The following DLG1 variants were observed in gnomAD, a reference collection of about 807,000 sequenced individuals.
The protein encoded by DLG1 is discs large MAGUK scaffold protein 1, also known as disks large homolog 1.
DLG1 carries 42 observed loss-of-function variants against 123.4 expected under a neutral mutation model. The observed-to-expected ratio is 0.34, with a 90% CI of 0.27 to 0.44. The LOEUF (loss-of-function observed/expected upper bound fraction) is 0.44, where lower values mean the gene tolerates loss of function less well. Among genes scored for constraint, DLG1 ranks in the 20% least tolerant of loss-of-function variants. The probability of loss-of-function intolerance (pLI) is 1.00; values close to 1 mark genes in which losing one functional copy is unlikely to be tolerated. For missense variants in DLG1, 942 were observed against 1,082.6 expected (o/e 0.87, Z 1.82); for synonymous variants, 317 against 356.2 (o/e 0.89, Z 1.24).
chr3:197,140,106 G>C, intron 8 of DLG1, 34 bp downstream of exon 8: 1 of 1,598,080 alleles, frequency 6.3e-7, no homozygotes, highest in Non-Finnish European at 8.5e-7. Context: ...ACACAAAGTG[G>C]ATTCAGCATC....
At chr3:197,245,727 G>A (rs369972324) in intron 4 of DLG1, among the ~76,000 whole-genome samples, 6 of 152,036 alleles carry the variant, frequency 3.9e-5, no homozygotes, top group Non-Finnish European at 5.9e-5. Flanking sequence ...CCTTTTCAGC[G>A]GGAGTGAAGA....
At chr3:197,059,822 G>T in intron 23 of DLG1, 67 bp downstream of exon 23, 1 of 998,074 alleles carries the variant, frequency 1.0e-6, no homozygotes, top group Non-Finnish European at 1.5e-6. Flanking sequence ...TGCAGGGAGA[G>T]TAAATAAATT....
In DLG1 at chr3:197,151,123, A is replaced by G. The variant is rs146719340; in HGVS notation, c.484-1327T>C. The stretch of plus-strand genomic sequence containing the variant: ...TTCAAATTACTTATTTCCCAATGGT[A>G]TATTGAGATTACTCAAACTGGTATT... On this transcript the variant is annotated intron_variant, in intron 5 of 24. Transcript: ENST00000667157. Among the ~76,000 whole-genome samples, 1,287 of 152,292 alleles carry G rather than the reference A, an allele frequency of 8.5e-3. 18 individuals are homozygous for G. The highest frequency in any genetic ancestry group is 0.029 in the African/African-American group (1,219 of 41,566).
intron 18 of DLG1, among the ~76,000 whole-genome samples, chr3:197,071,293 A>C (rs1211825210): frequency 1.3e-5 from 2 of 152,204 alleles, no homozygotes; most frequent in East Asian, 3.8e-4. Context: ...ACAATTATGA[A>C]AGCTGGATAA....
At chr3:197,191,662 C>G (rs1353408564) in intron 5 of DLG1, among the ~76,000 whole-genome samples, 2 of 152,122 alleles carry the variant, frequency 1.3e-5, no homozygotes, top group African/African-American at 4.8e-5. Flanking sequence ...AAGATAAAAG[C>G]AGGCTGACAA....
At chr3:197,294,530 C>T (rs1410293995) in intron 3 of DLG1, among the ~76,000 whole-genome samples, 2 of 151,868 alleles carry the variant, frequency 1.3e-5, no homozygotes, top group African/African-American at 4.8e-5. Context: ...TGGTGGTGGG[C>T]ACCTTTGGTC....
intron 4 of DLG1, among the ~76,000 whole-genome samples, chr3:197,230,545 A>G (rs1296827864): frequency 6.6e-6 from 1 of 152,220 alleles, no homozygotes; most frequent in Non-Finnish European, 1.5e-5. Context: ...AGGGTAAGCT[A>G]ACAAATTTTT....
intron 5 of DLG1, among the ~76,000 whole-genome samples, chr3:197,151,959 T>C (rs999351099): frequency 1.3e-5 from 2 of 152,230 alleles, no homozygotes; most frequent in African/African-American, 2.4e-5. Context: ...CCTTGCCCTT[T>C]TACTGCCTCT....
At chr3:197,288,740 A>AC in intron 3 of DLG1, among the ~76,000 whole-genome samples, 1 of 122,862 alleles carries the variant, frequency 8.1e-6, no homozygotes, top group East Asian at 3.4e-4. Flanking sequence ...AAAAAAAAAA[A>AC]AAAATACATA....
chr3:197,118,891 T>C (rs544077772), intron 12 of DLG1, among the ~76,000 whole-genome samples: 172 of 152,174 alleles, frequency 1.1e-3, no homozygotes, highest in African/African-American at 3.3e-3. Flanking sequence ...GTAATCTTAG[T>C]ACCTAGGGAG....
intron 14 of DLG1, among the ~76,000 whole-genome samples, chr3:197,097,067 AC>A (rs1480060135): frequency 6.6e-6 from 1 of 151,994 alleles, no homozygotes; most frequent in Admixed American, 6.6e-5. Context: ...AACTTTACTT[AC>A]CCCCATTAAT....
At chr3:197,293,418 G>A (rs1465230661) in intron 3 of DLG1, among the ~76,000 whole-genome samples, 19 of 152,140 alleles carry the variant, frequency 1.2e-4, no homozygotes, top group Admixed American at 1.2e-3. Context: ...TACATTGCGA[G>A]TATCAATTAT....
At chr3:197,135,011 C>T (rs1168453908) in intron 10 of DLG1, among the ~76,000 whole-genome samples, 1 of 152,138 alleles carries the variant, frequency 6.6e-6, no homozygotes, top group Non-Finnish European at 1.5e-5. Flanking sequence ...CAGTGTCTGC[C>T]TAGAAGACTG....
In DLG1 at chr3:197,065,282, T is replaced by C. The variant is rs770023213; in HGVS notation, c.2367A>G (p.Ala789=). Residue 789 remains alanine, a synonymous_variant, in exon 22 of 25, where the codon GCA becomes GCG. Transcript: ENST00000667157. ...GTSVQSVREV[A]EKGKHCILDV... ...GGATTAGTCTGATGCTTACCTTTTC[T>C]GCTACTTCTCGTACAGACTGAACAC... 6.2e-7 allele frequency: 1 copy of C among 1,601,194 alleles called. No individual in the cohort carries two copies. The highest frequency in any genetic ancestry group is 1.1e-5 in the South Asian group (1 of 88,362).
chr3:197,273,188 A>ATGTGTGTGTGTGTGTGTGTG (rs34778202), intron 4 of DLG1, among the ~76,000 whole-genome samples: 2 of 147,868 alleles, frequency 1.4e-5, no homozygotes, highest in African/African-American at 2.5e-5. Flanking sequence ...CACTGAATAT[A>ATGTGTGTGTGTGTGTGTGTG]TGTGTGTGTG....
At chr3:197,197,730 A>AC (rs1339803437) in intron 4 of DLG1, among the ~76,000 whole-genome samples, 1 of 152,130 alleles carries the variant, frequency 6.6e-6, no homozygotes, top group Non-Finnish European at 1.5e-5. Flanking sequence ...CAGGGCTCAC[A>AC]CCTCCTGATT....
At chr3:197,121,451 C>G (rs1219240751) in intron 11 of DLG1, among the ~76,000 whole-genome samples, 5 of 152,002 alleles carry the variant, frequency 3.3e-5, no homozygotes, top group Non-Finnish European at 7.4e-5. Flanking sequence ...GTGTCCAAAT[C>G]AGAAGTAGCA....
At chr3:197,104,826 AC>A (rs1765484745) in intron 14 of DLG1, 76 bp downstream of exon 14, 3 of 1,011,380 alleles carry the variant, frequency 3.0e-6, no homozygotes, top group Non-Finnish European at 4.5e-6. Flanking sequence ...TGGAAGTTAA[AC>A]ATTATTAAAT....
intron 11 of DLG1, among the ~76,000 whole-genome samples, chr3:197,127,915 TA>T (rs11337164): frequency 0.74 from 111,428 of 150,862 alleles, 41,027 homozygotes; most frequent in East Asian, 0.81. Flanking sequence ...ACTTTATTGC[TA>T]AAAAAAAACC....
Sources: gnomAD v4.1 joint callset for allele counts (sites outside exome capture counted in the v4.1 genomes callset) on GRCh38, gnomAD v4.1.1 for gene constraint, MANE v1.5 for transcripts, NCBI Gene and HGNC (gene_info 2026-07-23, HGNC 2026-07-21) for gene names.